Variants in NEK10 observed in about 807,000 individuals in gnomAD.
NEK10 encodes the protein NIMA related kinase 10.
In NEK10, 122 loss-of-function variants were observed where a neutral mutation model predicts 159.8. The ratio of observed to expected loss-of-function variants is 0.76; its 90% CI spans 0.66 to 0.89. The LOEUF is 0.89. NEK10 is among the 40% of genes least tolerant of loss of function. The pLI, the probability that NEK10 is intolerant of heterozygous loss-of-function variation, is 0.00. For missense variants in NEK10, 1,342 were observed against 1,323.1 expected, an observed-to-expected ratio of 1.01 and a Z score of -0.22; for synonymous variants, 466 against 457.1, an observed-to-expected ratio of 1.02 and a Z score of -0.25.
chr3:27,180,925 T>C (rs527308960), intron 26 of NEK10, among the ~76,000 whole-genome samples: 2 of 152,202 alleles, frequency 1.3e-5, no homozygotes, highest in Non-Finnish European at 2.9e-5. Context: ...ATTACTCAAG[T>C]GCATGCCAGG....
chr3:27,143,879 G>A (rs1440084466), intron 30 of NEK10, among the ~76,000 whole-genome samples: 1 of 152,048 alleles, frequency 6.6e-6, no homozygotes, highest in Non-Finnish European at 1.5e-5. Flanking sequence ...CCATACTTGA[G>A]TCCTGAAGCC....
chr3:27,278,107 G>A (rs2041898679), intron 22 of NEK10, among the ~76,000 whole-genome samples: 3 of 152,100 alleles, frequency 2.0e-5, no homozygotes. Context: ...ATAAAAACCA[G>A]TCTTAACTCA....
rs139982872 is a variant in NEK10, at chr3:27,259,459, C to T, written c.2015-3088G>A. ...TATGGCTAGCGAGTTTTCCCAGCACCGTTTATTAAATAGGGAATCCTTTCC... is the reference window on the plus strand; with the variant it reads ...TATGGCTAGCGAGTTTTCCCAGCACTGTTTATTAAATAGGGAATCCTTTCC... On this transcript the variant is annotated intron_variant, in intron 22 of 35. Transcript: ENST00000691995. Among the ~76,000 whole-genome samples the T allele has an allele frequency of 8.7e-3, 1,328 of 152,216 alleles. 19 individuals carry two copies. Among genetic ancestry groups the T allele is most frequent in the African/African-American group, 0.029 (1,218 of 41,526 alleles).
At chr3:27,201,478 C>A (rs1222636946) in intron 25 of NEK10, 32 bp downstream of exon 25, 3 of 1,570,044 alleles carry the variant, frequency 1.9e-6, no homozygotes, top group Non-Finnish European at 2.6e-6. Context: ...TCTTGATTGT[C>A]CCTACATGTC....
chr3:27,270,121 T>C (rs570972476), intron 22 of NEK10, among the ~76,000 whole-genome samples: 5 of 152,194 alleles, frequency 3.3e-5, no homozygotes, highest in Non-Finnish European at 7.3e-5. Flanking sequence ...ACGGATGAGA[T>C]GTTACTTCCA....
Position 27,168,861 on chromosome 3 carries a change from T to C in NEK10, c.2831+2958A>G, listed in dbSNP as rs532104754. ...CTGTTGACTTGGTCATAACCCCAAG[T>C]TAAAGCTTGTTCTATACCCCTGTTT... On this transcript the variant is annotated intron_variant, in intron 29 of 35. Coordinates refer to ENST00000691995, the MANE Select transcript of NEK10 (RefSeq NM_001394966.1). 1.7e-3 allele frequency among the ~76,000 whole-genome samples: 266 copies of C among 152,336 alleles called. 1 individual carries two copies. The highest frequency in any genetic ancestry group is 6.0e-3 in the African/African-American group (251 of 41,586).
At chr3:27,182,355 A>G (rs938708933) in intron 26 of NEK10, among the ~76,000 whole-genome samples, 1 of 152,148 alleles carries the variant, frequency 6.6e-6, no homozygotes, top group Non-Finnish European at 1.5e-5. Context: ...TTTTTTGCCA[A>G]TTAAAATTAA....
At chr3:27,165,749 C>T (rs542942285) in intron 29 of NEK10, among the ~76,000 whole-genome samples, 7 of 152,288 alleles carry the variant, frequency 4.6e-5, no homozygotes, top group Non-Finnish European at 8.8e-5. Flanking sequence ...ACAATTTCCA[C>T]CCCAAAACAC....
chr3:27,151,181 C>T (rs1944831679), intron 30 of NEK10, among the ~76,000 whole-genome samples: 1 of 152,148 alleles, frequency 6.6e-6, no homozygotes, highest in Non-Finnish European at 1.5e-5. Context: ...AACACCACCT[C>T]CCGGAAGGAG....
At chr3:27,215,129 A>G in intron 23 of NEK10, 1 of 386,868 alleles carries the variant, frequency 2.6e-6, no homozygotes. Flanking sequence ...AAACTTCCAT[A>G]GTTTCGGCTC....
chr3:27,319,292 T>A (rs1465920845), intron 6 of NEK10, among the ~76,000 whole-genome samples: 3 of 152,224 alleles, frequency 2.0e-5, no homozygotes, highest in Non-Finnish European at 4.4e-5. Flanking sequence ...CTTCGTTTAA[T>A]TCTGAAAAAC....
At chr3:27,332,605 A>G (rs1575787103) in intron 5 of NEK10, among the ~76,000 whole-genome samples, 1 of 152,244 alleles carries the variant, frequency 6.6e-6, no homozygotes, top group African/African-American at 2.4e-5. Context: ...TTTGTTTCAC[A>G]AATACATAAT....
chr3:27,336,245 C>T (rs2149736862), intron 5 of NEK10, among the ~76,000 whole-genome samples: 1 of 152,028 alleles, frequency 6.6e-6, no homozygotes, highest in Middle Eastern at 3.4e-3. Context: ...ACTGAAAAAC[C>T]TAGAGGAAAT....
intron 23 of NEK10, among the ~76,000 whole-genome samples, chr3:27,206,969 T>C (rs1309027849): frequency 6.6e-6 from 1 of 152,132 alleles, no homozygotes; most frequent in African/African-American, 2.4e-5. Context: ...TTTTTCTACT[T>C]CCACTTCTGC....
intron 22 of NEK10, among the ~76,000 whole-genome samples, chr3:27,271,194 TCTAC>T (rs1465218000): frequency 1.4e-5 from 2 of 143,312 alleles, no homozygotes; most frequent in Non-Finnish European, 3.1e-5. Flanking sequence ...TATCTATCTA[TCTAC>T]CTATCTATCT....
At chr3:27,243,628 T>C (rs1954770021) in intron 23 of NEK10, among the ~76,000 whole-genome samples, 1 of 152,190 alleles carries the variant, frequency 6.6e-6, no homozygotes, top group Non-Finnish European at 1.5e-5. Flanking sequence ...ATAAAATTCT[T>C]AGTTAGTGCA....
chr3:27,183,455 A>G (rs1188525233), intron 26 of NEK10, among the ~76,000 whole-genome samples: 1 of 151,680 alleles, frequency 6.6e-6, no homozygotes, highest in South Asian at 2.1e-4. Flanking sequence ...TTAAATCAAA[A>G]GGGATCATAG....
chr3:27,261,043 T>C (rs1340830649), intron 22 of NEK10, among the ~76,000 whole-genome samples: 1 of 152,188 alleles, frequency 6.6e-6, no homozygotes, highest in Non-Finnish European at 1.5e-5. Flanking sequence ...TGGTAGTTTG[T>C]ATTTCTGTGG....
rs1452177997 is a variant in NEK10 at position 27,130,606 on chromosome 3, G to A, written c.3081+1274C>T. ...AGATGCTTTCATCTCATAAAACTAG[G>A]ATTTCTGTTAAAATAAGTCTATGCT... On this transcript the variant is annotated intron_variant, in intron 32 of 35. Coordinates refer to ENST00000691995, the MANE Select transcript of NEK10 (RefSeq NM_001394966.1). Among the ~76,000 whole-genome samples, 6 of 152,214 alleles carry A rather than the reference G, an allele frequency of 3.9e-5. No homozygotes were observed. The East Asian group carries it at 1.2e-3, about 29-fold the overall frequency.
Sources: gnomAD v4.1 joint callset for allele counts (sites outside exome capture counted in the v4.1 genomes callset) on GRCh38, gnomAD v4.1.1 for gene constraint, MANE v1.5 for transcripts, NCBI Gene and HGNC (gene_info 2026-07-23, HGNC 2026-07-21) for gene names.